Variants in FAM199X observed in about 807,000 individuals in gnomAD.
FAM199X encodes the protein protein FAM199X.
FAM199X carries 4 observed loss-of-function variants against 22.9 expected under a neutral mutation model. That is an observed-to-expected ratio of 0.17 (90% CI 0.09 to 0.40). The LOEUF (loss-of-function observed/expected upper bound fraction) is 0.40. Ranked by LOEUF, FAM199X falls within the 10% of genes least tolerant of loss-of-function variation. FAM199X has a pLI of 1.00. For missense variants in FAM199X, 183 were observed against 306.8 expected (o/e 0.60, Z 3.01); for synonymous variants, 101 against 112.3 (o/e 0.90, Z 0.64).
chrX:104,172,419 C>CA (rs1252810147), intron 1 of FAM199X, among the ~76,000 whole-genome samples: 183 of 87,427 alleles, frequency 2.1e-3, no homozygotes, highest in African/African-American at 4.4e-3. Context: ...GACCCTGACT[C>CA]AAAAAAAAAA....
Position 104,194,685 on chromosome X carries a change from T to C in FAM199X, c.*4907T>C, listed in dbSNP as rs2147900621. On this transcript the variant is annotated 3_prime_UTR_variant, in exon 6 of 6. Transcript: ENST00000493442. ...GAATTTAAGGACTATTGTCAAAGGCTATTAATGGTAAACAAGTATATGCAA... is the reference window on the plus strand; with the variant it reads ...GAATTTAAGGACTATTGTCAAAGGCCATTAATGGTAAACAAGTATATGCAA... 1 of 112,388 alleles carries C rather than the reference T, an allele frequency of 8.9e-6. No homozygotes were observed. Among genetic ancestry groups the C allele is most frequent in the East Asian group, 2.8e-4 (1 of 3,605 alleles). 9.3% of individuals were successfully genotyped at this position (112,388 alleles called of 1,213,427 possible).
At chrX:104,189,078 G>A (rs782251420) in intron 5 of FAM199X, among the ~76,000 whole-genome samples, 3 of 111,531 alleles carry the variant, frequency 2.7e-5, no homozygotes, top group South Asian at 3.8e-4. Context: ...TCAGTTCACC[G>A]GTGACAAGGA....
chrX:104,160,853 A>C, the FAM199X span, among the ~76,000 whole-genome samples: 3 of 111,417 alleles, frequency 2.7e-5, no homozygotes, highest in Non-Finnish European at 5.7e-5. Flanking sequence ...ATCTCCTCCA[A>C]AGTATATATC....
At chrX:104,183,187 C>T (rs1273430731) in intron 2 of FAM199X, among the ~76,000 whole-genome samples, 1 of 110,170 alleles carries the variant, frequency 9.1e-6, no homozygotes, top group Admixed American at 9.6e-5. Flanking sequence ...AGAGTTCTTC[C>T]GTTTACCTCA....
At position 104,191,869 on chromosome X, in the gene FAM199X, TGA is replaced by T. The variant is rs1340571157; in HGVS notation, c.*2093_*2094del. On this transcript the variant is annotated 3_prime_UTR_variant, in exon 6 of 6. Transcript: ENST00000493442. ...TAGTCTTATTACTTTCAATTTAACT[TGA>T]GTCACTATTAAGCAAGTTTACCAAA... 1.8e-5 allele frequency: 2 copies of T among 111,900 alleles called. No homozygotes were observed. The highest frequency in any genetic ancestry group is 3.8e-5 in the Non-Finnish European group (2 of 53,109). 9.2% of individuals were successfully genotyped at this position (111,900 alleles called of 1,213,427 possible).
rs1482426083 is a variant in FAM199X, at chrX:104,194,142, T to G, written c.*4364T>G. On this transcript the variant is annotated 3_prime_UTR_variant, in exon 6 of 6. Transcript: ENST00000493442. ...GTAATTACTGTTTTAACCTAGAGCA[T>G]ATAATGGCAAATTAAATTTTAATTT... 1.8e-5 allele frequency: 2 copies of G among 111,853 alleles called. No homozygotes were observed. The highest frequency in any genetic ancestry group is 3.8e-5 in the Non-Finnish European group (2 of 52,986). The allele number at this position is 111,853 out of a possible 1,213,427, so 9.2% of individuals were successfully genotyped here. A position where few individuals can be genotyped will look rare whatever the true frequency, so the allele number is the denominator to read the frequency against.
intron 2 of FAM199X, among the ~76,000 whole-genome samples, chrX:104,177,341 C>T (rs1363477952): frequency 9.0e-6 from 1 of 111,731 alleles, no homozygotes; most frequent in Non-Finnish European, 1.9e-5. Flanking sequence ...TGTACAGTAC[C>T]ACATTTTGTT....
intron 1 of FAM199X, among the ~76,000 whole-genome samples, chrX:104,167,279 A>C: frequency 1.2e-5 from 1 of 85,477 alleles, no homozygotes; most frequent in Non-Finnish European, 2.2e-5. Context: ...GTACCCTACG[A>C]ATCCCAAACC....
At chrX:104,178,010 A>T (rs67879246) in intron 2 of FAM199X, among the ~76,000 whole-genome samples, 18,125 of 111,365 alleles carry the variant, frequency 0.16, 1,238 homozygotes, top group Non-Finnish European at 0.23. Context: ...ACCACTGTGT[A>T]ATCCAAGATG....
chrX:104,173,162 T>C (rs1556375730), intron 1 of FAM199X, among the ~76,000 whole-genome samples: 2 of 111,184 alleles, frequency 1.8e-5, no homozygotes, highest in Non-Finnish European at 3.8e-5. Context: ...GTAGAGATAC[T>C]GTCTTGCTTT....
intron 1 of FAM199X, among the ~76,000 whole-genome samples, chrX:104,172,515 C>T (rs1368117455): frequency 9.0e-6 from 1 of 110,782 alleles, no homozygotes; most frequent in Admixed American, 9.6e-5. Context: ...ATTATGAGCC[C>T]GGTTTACTTG....
chrX:104,186,956 TAATG>T (rs781888116), intron 4 of FAM199X, among the ~76,000 whole-genome samples: 1 of 111,866 alleles, frequency 8.9e-6, no homozygotes, highest in Non-Finnish European at 1.9e-5. Flanking sequence ...AAATACTAAT[TAATG>T]AGAGCTATTC....
rs1460235988 is a variant in FAM199X at position 104,192,025 on chromosome X, G to C, written c.*2247G>C. 9.0e-6 allele frequency: 1 copy of C among 111,234 alleles called. No homozygotes were observed. The highest frequency in any genetic ancestry group is 3.3e-5 in the African/African-American group (1 of 30,735). The allele number at this position is 111,234 out of a possible 1,213,427, so 9.2% of individuals were successfully genotyped here. A position where few individuals can be genotyped will look rare whatever the true frequency, so the allele number is the denominator to read the frequency against. ...AAATTAGAGATAGTCCATAAAGTTG[G>C]GTTGAAGGAGATTGAAAATATTTCC... On this transcript the variant is annotated 3_prime_UTR_variant, in exon 6 of 6. Coordinates refer to ENST00000493442, the MANE Select transcript of FAM199X (RefSeq NM_207318.4).
chrX:104,178,967 A>C (rs1321592705), intron 2 of FAM199X, among the ~76,000 whole-genome samples: 1 of 111,357 alleles, frequency 9.0e-6, no homozygotes, highest in Non-Finnish European at 1.9e-5. Context: ...GTGTCTTTAA[A>C]AAAAATGCAA....
the FAM199X span, among the ~76,000 whole-genome samples, chrX:104,159,420 CA>C: frequency 1.8e-5 from 2 of 112,575 alleles, no homozygotes; most frequent in Non-Finnish European, 3.8e-5. Flanking sequence ...TACTGCTAAG[CA>C]AACTGGGTAG....
intron 2 of FAM199X, among the ~76,000 whole-genome samples, chrX:104,185,023 A>G (rs1350809719): frequency 1.1e-5 from 1 of 94,304 alleles, no homozygotes; most frequent in Admixed American, 1.2e-4. Flanking sequence ...CGATCCTCCC[A>G]CCTCAGCCTT....
intron 2 of FAM199X, among the ~76,000 whole-genome samples, chrX:104,177,515 C>G (rs1421739002): frequency 8.9e-6 from 1 of 112,028 alleles, no homozygotes; most frequent in Non-Finnish European, 1.9e-5. Context: ...TGATCACTTG[C>G]TATTTAACTT....
At chrX:104,178,981 T>A (rs1921568846) in intron 2 of FAM199X, among the ~76,000 whole-genome samples, 1 of 110,927 alleles carries the variant, frequency 9.0e-6, no homozygotes, top group Non-Finnish European at 1.9e-5. Flanking sequence ...AATGCAAAAA[T>A]TTACCAGGCG....
intron 1 of FAM199X, among the ~76,000 whole-genome samples, chrX:104,174,392 G>A (rs931559320): frequency 1.8e-5 from 2 of 111,410 alleles, no homozygotes; most frequent in African/African-American, 6.5e-5. Flanking sequence ...GATGAAATGA[G>A]CACTTTTATA....
Sources: allele counts gnomAD v4.1 joint callset (sites outside exome capture counted in the v4.1 genomes callset), GRCh38; gene constraint gnomAD v4.1.1; transcripts MANE v1.5; gene names NCBI Gene and HGNC (gene_info 2026-07-23, HGNC 2026-07-21).